Variants in MDGA2 observed in about 807,000 individuals in gnomAD.
MDGA2 encodes MAM domain-containing glycosylphosphatidylinositol anchor protein 2.
A neutral mutation model predicts 117.8 loss-of-function variants in MDGA2; 40 were observed. That is an observed-to-expected ratio of 0.34 (90% CI 0.26 to 0.44). The LOEUF (loss-of-function observed/expected upper bound fraction) is 0.44, where lower values mean the gene tolerates loss of function less well. Among genes scored for constraint, MDGA2 ranks in the 20% least tolerant of loss-of-function variants. The pLI is 1.00. For missense variants in MDGA2, 1,123 were observed against 1,250.6 expected, an observed-to-expected ratio of 0.90 and a Z score of 1.54; for synonymous variants, 452 against 439.0, an observed-to-expected ratio of 1.03 and a Z score of -0.37.
intron 1 of MDGA2, among the ~76,000 whole-genome samples, chr14:47,401,298 T>A (rs1201756860): frequency 6.6e-6 from 1 of 152,076 alleles, no homozygotes; most frequent in Non-Finnish European, 1.5e-5. Context: ...AGTAAAAGTG[T>A]CTTTAGGGAA....
intron 11 of MDGA2, among the ~76,000 whole-genome samples, chr14:46,881,427 G>C (rs1319084913): frequency 6.6e-6 from 1 of 152,058 alleles, no homozygotes; most frequent in Admixed American, 6.6e-5. Flanking sequence ...ATACTGTAAT[G>C]GTGGAGAAAT....
At chr14:47,559,842 G>A (rs1206493579) in intron 1 of MDGA2, among the ~76,000 whole-genome samples, 2 of 152,052 alleles carry the variant, frequency 1.3e-5, no homozygotes, top group East Asian at 1.9e-4. Flanking sequence ...CAAAGTGCTG[G>A]GATTACAGGC....
At chr14:47,592,749 A>T (rs1896464586) in intron 1 of MDGA2, among the ~76,000 whole-genome samples, 1 of 152,256 alleles carries the variant, frequency 6.6e-6, no homozygotes, top group Non-Finnish European at 1.5e-5. Flanking sequence ...GATGGATTAA[A>T]AACTTAAATG....
intron 1 of MDGA2, among the ~76,000 whole-genome samples, chr14:47,347,391 T>C (rs1177117788): frequency 6.6e-6 from 1 of 152,170 alleles, no homozygotes; most frequent in Non-Finnish European, 1.5e-5. Flanking sequence ...ATAAAGGTGA[T>C]AAATGTAACA....
At chr14:47,585,504 A>T (rs891412086) in intron 1 of MDGA2, among the ~76,000 whole-genome samples, 5 of 151,922 alleles carry the variant, frequency 3.3e-5, no homozygotes, top group Non-Finnish European at 5.9e-5. Context: ...GAGAATACAA[A>T]CACAGGGCTT....
At chr14:47,131,906 GA>G in intron 4 of MDGA2, 60 bp from the exon 5 acceptor site, 1 of 1,311,960 alleles carries the variant, frequency 7.6e-7, no homozygotes, top group Non-Finnish European at 1.0e-6. Context: ...CAGAATGAAT[GA>G]AACATCACAT....
intron 1 of MDGA2, among the ~76,000 whole-genome samples, chr14:47,310,026 T>C (rs553043774): frequency 5.9e-5 from 9 of 152,250 alleles, no homozygotes; most frequent in African/African-American, 2.2e-4. Flanking sequence ...AATTGCAAAA[T>C]ATTATTCTGA....
intron 1 of MDGA2, among the ~76,000 whole-genome samples, chr14:47,327,099 G>A (rs1298414903): frequency 6.6e-6 from 1 of 152,156 alleles, no homozygotes; most frequent in African/African-American, 2.4e-5. Context: ...TTTAGCTGAT[G>A]AGGGCCTCCA....
chr14:47,642,127 T>G, intron 1 of MDGA2, among the ~76,000 whole-genome samples: 1 of 152,050 alleles, frequency 6.6e-6, no homozygotes, highest in East Asian at 1.9e-4. Context: ...GTGAACTACT[T>G]TATTTATGAA....
intron 8 of MDGA2, among the ~76,000 whole-genome samples, chr14:47,012,610 A>T (rs1887932718): frequency 6.6e-6 from 1 of 152,182 alleles, no homozygotes; most frequent in Non-Finnish European, 1.5e-5. Flanking sequence ...TAAAGCACTT[A>T]CTATAGTGTT....
At chr14:47,194,356 G>A (rs142478589) in intron 3 of MDGA2, among the ~76,000 whole-genome samples, 20 of 152,206 alleles carry the variant, frequency 1.3e-4, no homozygotes, top group African/African-American at 4.3e-4. Context: ...TCATTCTGAT[G>A]CATATATAGC....
intron 3 of MDGA2, among the ~76,000 whole-genome samples, chr14:47,192,049 A>T (rs985909123): frequency 4.6e-5 from 7 of 152,196 alleles, no homozygotes; most frequent in African/African-American, 7.2e-5. Flanking sequence ...TTTAAAATCT[A>T]AACTGTGCTC....
chr14:47,238,445 A>C (rs955834135), intron 2 of MDGA2, among the ~76,000 whole-genome samples: 1 of 151,670 alleles, frequency 6.6e-6, no homozygotes, highest in Non-Finnish European at 1.5e-5. Context: ...GTAAGCATTG[A>C]CAAGCAGAAA....
intron 2 of MDGA2, among the ~76,000 whole-genome samples, chr14:47,248,066 T>C (rs1448738723): frequency 6.6e-6 from 1 of 151,702 alleles, no homozygotes; most frequent in African/African-American, 2.4e-5. Context: ...TTTGGATTGG[T>C]TCCAAGTCTC....
At chr14:47,174,658 T>G (rs1010438457) in intron 3 of MDGA2, among the ~76,000 whole-genome samples, 1 of 151,844 alleles carries the variant, frequency 6.6e-6, no homozygotes, top group Non-Finnish European at 1.5e-5. Flanking sequence ...AGTGAGTAGA[T>G]GGAAATTTAT....
chr14:46,918,642 G>A (rs1883993906), intron 10 of MDGA2, among the ~76,000 whole-genome samples: 1 of 151,974 alleles, frequency 6.6e-6, no homozygotes, highest in Non-Finnish European at 1.5e-5. Flanking sequence ...TAGCCTGTGT[G>A]CACTTAGAGA....
intron 1 of MDGA2, among the ~76,000 whole-genome samples, chr14:47,578,996 A>G (rs1312533451): frequency 6.6e-6 from 1 of 152,148 alleles, no homozygotes; most frequent in Non-Finnish European, 1.5e-5. Flanking sequence ...CAGGAAAAAT[A>G]ATCATCACCA....
intron 2 of MDGA2, among the ~76,000 whole-genome samples, chr14:47,250,899 G>A (rs959569470): frequency 1.3e-5 from 2 of 152,148 alleles, no homozygotes; most frequent in African/African-American, 2.4e-5. Context: ...GAATCTGGGA[G>A]GAGCTGCATC....
At chr14:47,227,405 C>G (rs1349236773) in intron 2 of MDGA2, among the ~76,000 whole-genome samples, 1 of 152,190 alleles carries the variant, frequency 6.6e-6, no homozygotes, top group Non-Finnish European at 1.5e-5. Flanking sequence ...ACGCTAACCT[C>G]GTGAAACCAC....
Sources: allele counts gnomAD v4.1 joint callset (sites outside exome capture counted in the v4.1 genomes callset), GRCh38; gene constraint gnomAD v4.1.1; transcripts MANE v1.5; gene names NCBI Gene and HGNC (gene_info 2026-07-23, HGNC 2026-07-21).